The following SLC4A5 variants were observed in gnomAD, a reference collection of about 807,000 sequenced individuals.
SLC4A5 encodes the protein solute carrier family 4 member 5.
Under a neutral mutation model 120.4 loss-of-function variants are expected in SLC4A5, and 96 were observed. That is an observed-to-expected ratio of 0.80 (90% confidence interval 0.68 to 0.94). The LOEUF (loss-of-function observed/expected upper bound fraction) is 0.94. Among genes scored for constraint, SLC4A5 ranks in the 40% least tolerant of loss-of-function variants. SLC4A5 has a pLI of 0.00. For missense variants in SLC4A5, 1,259 were observed against 1,459.5 expected (o/e 0.86, Z 2.24); for synonymous variants, 550 against 571.1 (o/e 0.96, Z 0.53).
chr2:74,252,406 T>G lies in SLC4A5; in HGVS notation c.1269-18A>C. The G allele has an allele frequency of 6.2e-7, 1 of 1,603,998 alleles. No individual in the cohort carries two copies. Among genetic ancestry groups the G allele is most frequent in the East Asian group, 2.2e-5 (1 of 44,570 alleles). ...CAGATTTCCTGGAAGAGAAGGGGGA[T>G]GAAGGAGAGTGGGTCCCCCAGAGCA... On this transcript the variant is annotated intron_variant, in intron 15 of 30. Transcript: ENST00000394019.
intron 8 of SLC4A5, among the ~76,000 whole-genome samples, chr2:74,266,897 A>G (rs1359198037): frequency 2.0e-5 from 3 of 152,212 alleles, no homozygotes; most frequent in Admixed American, 2.0e-4. Flanking sequence ...GTTCAAAGAA[A>G]AGTAATGTAC....
At chr2:74,281,474 C>T (rs1440228681) in intron 8 of SLC4A5, among the ~76,000 whole-genome samples, 1 of 152,214 alleles carries the variant, frequency 6.6e-6, no homozygotes, top group Non-Finnish European at 1.5e-5. Flanking sequence ...CAATCTGATC[C>T]AGCCCTCCCT....
exon 9 of SLC4A5, chr2:74,265,176 C>T (rs917534420): frequency 1.1e-5 from 18 of 1,614,220 alleles, no homozygotes; most frequent in Admixed American, 1.7e-5. Context: ...GTACGGAGCT[C>T]GAAGAGGCTG....
At chr2:74,228,668 C>T (rs56083033) in intron 25 of SLC4A5, among the ~76,000 whole-genome samples, 1 of 145,378 alleles carries the variant, frequency 6.9e-6, no homozygotes, top group Non-Finnish European at 1.5e-5. Flanking sequence ...CCCCGCCCCC[C>T]AAAAAAACCA....
At chr2:74,339,064 T>C (rs1043421501) in intron 2 of SLC4A5, 161 bp from the exon 3 acceptor site, 7 of 152,304 alleles carry the variant, frequency 4.6e-5, no homozygotes, top group African/African-American at 1.7e-4. Flanking sequence ...CATCCGAGCA[T>C]TGTTCACAGT....
At chr2:74,275,122 A>G (rs1573051469) in intron 8 of SLC4A5, among the ~76,000 whole-genome samples, 1 of 152,200 alleles carries the variant, frequency 6.6e-6, no homozygotes, top group African/African-American at 2.4e-5. Context: ...TTTGGGCATT[A>G]CAGGAGAAAC....
chr2:74,334,432 C>T (rs1220566242), intron 3 of SLC4A5, among the ~76,000 whole-genome samples: 1 of 152,220 alleles, frequency 6.6e-6, no homozygotes, highest in African/African-American at 2.4e-5. Context: ...TTCAGCCTGA[C>T]TTGCTACCTC....
intron 25 of SLC4A5, among the ~76,000 whole-genome samples, chr2:74,229,894 T>G (rs1695001499): frequency 6.6e-6 from 1 of 151,632 alleles, no homozygotes; most frequent in Non-Finnish European, 1.5e-5. Flanking sequence ...TTTTTTTTTT[T>G]TTTTTGAGAA....
At chr2:74,304,543 G>A in exon 7 of SLC4A5, 2 of 1,614,048 alleles carry the variant, frequency 1.2e-6, no homozygotes. Context: ...CCACTCCCTG[G>A]GCCAGTCAGT....
chr2:74,324,555 A>AAAG, intron 5 of SLC4A5, among the ~76,000 whole-genome samples: 1 of 152,300 alleles, frequency 6.6e-6, no homozygotes, highest in East Asian at 1.9e-4. Flanking sequence ...GACCACATTT[A>AAAG]AAACCTCTAT....
At chr2:74,336,018 AC>A (rs1191079382) in intron 3 of SLC4A5, among the ~76,000 whole-genome samples, 9 of 152,158 alleles carry the variant, frequency 5.9e-5, no homozygotes, top group African/African-American at 2.2e-4. Flanking sequence ...AGCTTTACAT[AC>A]CTTACCTCAA....
At chr2:74,295,991 C>T (rs941595932) in intron 7 of SLC4A5, among the ~76,000 whole-genome samples, 1 of 152,156 alleles carries the variant, frequency 6.6e-6, no homozygotes, top group South Asian at 2.1e-4. Flanking sequence ...TTTTAGTTAA[C>T]CACATCGAAT....
At chr2:74,240,780 A>AAC (rs1553452610) in intron 20 of SLC4A5, among the ~76,000 whole-genome samples, 1 of 151,992 alleles carries the variant, frequency 6.6e-6, no homozygotes, top group African/African-American at 2.4e-5. Flanking sequence ...AAAAAAAAAA[A>AAC]AACCCTAATC....
chr2:74,304,205 T>A (rs1672565324), intron 7 of SLC4A5, among the ~76,000 whole-genome samples: 1 of 152,142 alleles, frequency 6.6e-6, no homozygotes, highest in Non-Finnish European at 1.5e-5. Context: ...AATTTGGAAA[T>A]GAGGGAAATA....
At chr2:74,252,412 A>T (rs779681982) in intron 15 of SLC4A5, 24 bp from the exon 16 acceptor site, 2 of 1,602,438 alleles carry the variant, frequency 1.2e-6, no homozygotes, top group Non-Finnish European at 1.7e-6. Context: ...GGGATGAAGG[A>T]GAGTGGGTCC....
chr2:74,223,007 C>CA, intron 28 of SLC4A5, 55 bp from the exon 29 acceptor site: 1 of 920,798 alleles, frequency 1.1e-6, no homozygotes, highest in Non-Finnish European at 1.6e-6. Context: ...ATTTGGCTTT[C>CA]TTTTTTTTTT....
At chr2:74,300,359 A>T (rs1672443737) in intron 7 of SLC4A5, among the ~76,000 whole-genome samples, 1 of 152,240 alleles carries the variant, frequency 6.6e-6, no homozygotes, top group African/African-American at 2.4e-5. Context: ...CACAAAGGTA[A>T]CTATGAGTGG....
intron 7 of SLC4A5, among the ~76,000 whole-genome samples, chr2:74,291,715 C>G (rs2104203636): frequency 6.6e-6 from 1 of 152,350 alleles, no homozygotes; most frequent in East Asian, 1.9e-4. Context: ...GACAATCCTT[C>G]CGCCTCAGCC....
intron 2 of SLC4A5, among the ~76,000 whole-genome samples, chr2:74,341,966 AAG>A (rs1673638949): frequency 6.6e-6 from 1 of 152,220 alleles, no homozygotes; most frequent in Non-Finnish European, 1.5e-5. Context: ...ATTTCTGAGT[AAG>A]AGACTCTTAC....
Sources: allele counts gnomAD v4.1 joint callset (sites outside exome capture counted in the v4.1 genomes callset), GRCh38; gene constraint gnomAD v4.1.1; transcripts MANE v1.5; gene names NCBI Gene and HGNC (gene_info 2026-07-23, HGNC 2026-07-21).